FRMD4A: variants seen among roughly 807,000 people sequenced by gnomAD.
FRMD4A encodes the protein FERM domain containing 4A.
FRMD4A carries 29 observed loss-of-function variants against 129.1 expected under a neutral mutation model. The ratio of observed to expected loss-of-function variants is 0.22; its 90% CI spans 0.17 to 0.31. The LOEUF is 0.31. Among genes scored for constraint, FRMD4A ranks in the 10% least tolerant of loss-of-function variants. FRMD4A has a pLI of 1.00. For missense variants in FRMD4A, 1,272 were observed against 1,375.8 expected (o/e 0.92, Z 1.19); for synonymous variants, 634 against 571.6 (o/e 1.11, Z -1.56).
At chr10:14,180,253 C>T (rs1210699251) in intron 2 of FRMD4A, among the ~76,000 whole-genome samples, 1 of 152,108 alleles carries the variant, frequency 6.6e-6, no homozygotes, top group Non-Finnish European at 1.5e-5. Context: ...TATTATTATT[C>T]CCATTTAACA....
intron 13 of FRMD4A, among the ~76,000 whole-genome samples, chr10:13,704,371 T>A (rs555792389): frequency 6.6e-6 from 1 of 152,298 alleles, no homozygotes; most frequent in East Asian, 1.9e-4. Context: ...CAGAGCGAGT[T>A]TGCCTGGGAC....
chr10:14,005,730 C>T (rs1380144497), intron 2 of FRMD4A, among the ~76,000 whole-genome samples: 2 of 152,158 alleles, frequency 1.3e-5, no homozygotes, highest in Non-Finnish European at 2.9e-5. Context: ...ACATACAATG[C>T]CAGGTCCCTG....
intron 2 of FRMD4A, among the ~76,000 whole-genome samples, chr10:14,174,732 C>T (rs1049403184): frequency 1.3e-5 from 2 of 152,178 alleles, no homozygotes; most frequent in South Asian, 4.1e-4. Context: ...GAATTTCACA[C>T]CTGGATAGTT....
intron 6 of FRMD4A, among the ~76,000 whole-genome samples, chr10:13,777,086 T>G (rs898772684): frequency 1.3e-5 from 2 of 152,196 alleles, no homozygotes; most frequent in Non-Finnish European, 2.9e-5. Flanking sequence ...GTGCCCACAT[T>G]TATCCCTTTT....
intron 2 of FRMD4A, among the ~76,000 whole-genome samples, chr10:13,974,818 C>T (rs930123264): frequency 2.0e-4 from 31 of 152,130 alleles, no homozygotes; most frequent in Non-Finnish European, 1.2e-4. Flanking sequence ...TGAGCCACTG[C>T]ACCTGGCTCT....
intron 2 of FRMD4A, among the ~76,000 whole-genome samples, chr10:14,200,254 G>A (rs145964900): frequency 9.3e-5 from 14 of 150,452 alleles, no homozygotes; most frequent in Admixed American, 2.6e-4. Flanking sequence ...TGATGGGGAT[G>A]GACTCAGGGT....
intron 2 of FRMD4A, among the ~76,000 whole-genome samples, chr10:14,063,281 T>C (rs1259325065): frequency 6.6e-6 from 1 of 152,118 alleles, no homozygotes; most frequent in East Asian, 1.9e-4. Flanking sequence ...GACTCCCAGA[T>C]GTTGATGAGA....
chr10:13,800,384 T>C (rs2093226592), intron 4 of FRMD4A, among the ~76,000 whole-genome samples: 1 of 152,198 alleles, frequency 6.6e-6, no homozygotes, highest in African/African-American at 2.4e-5. Flanking sequence ...TCATCTTTTG[T>C]CTTACCATAT....
At chr10:14,196,321 A>G (rs1842472244) in intron 2 of FRMD4A, among the ~76,000 whole-genome samples, 1 of 152,198 alleles carries the variant, frequency 6.6e-6, no homozygotes. Flanking sequence ...CCCTCCAAGG[A>G]CTGATCCCAG....
intron 8 of FRMD4A, among the ~76,000 whole-genome samples, chr10:13,757,900 C>T (rs1264590184): frequency 6.6e-6 from 1 of 152,130 alleles, no homozygotes; most frequent in Non-Finnish European, 1.5e-5. Context: ...CACACCACCA[C>T]ACCTGGCTAA....
At chr10:13,724,527 C>T (rs886135877) in intron 12 of FRMD4A, among the ~76,000 whole-genome samples, 2 of 152,136 alleles carry the variant, frequency 1.3e-5, no homozygotes, top group African/African-American at 2.4e-5. Flanking sequence ...TTGGAGCGAG[C>T]GAGGCTATTG....
chr10:13,797,817 C>T (rs1194358194), intron 4 of FRMD4A, among the ~76,000 whole-genome samples: 1 of 152,106 alleles, frequency 6.6e-6, no homozygotes, highest in East Asian at 1.9e-4. Context: ...GCTTGTTCCT[C>T]TCAGCACATG....
At chr10:13,995,580 G>A (rs1174575047) in intron 2 of FRMD4A, among the ~76,000 whole-genome samples, 1 of 152,154 alleles carries the variant, frequency 6.6e-6, no homozygotes, top group African/African-American at 2.4e-5. Flanking sequence ...GCAAGACTCT[G>A]TCTCAGACAA....
At chr10:13,981,919 G>C (rs1268933648) in intron 2 of FRMD4A, among the ~76,000 whole-genome samples, 1 of 152,090 alleles carries the variant, frequency 6.6e-6, no homozygotes, top group African/African-American at 2.4e-5. Context: ...AGTGAGGCCA[G>C]GTTACCTGCC....
intron 2 of FRMD4A, among the ~76,000 whole-genome samples, chr10:14,265,161 G>T (rs1002124502): frequency 6.6e-6 from 1 of 152,206 alleles, no homozygotes; most frequent in Non-Finnish European, 1.5e-5. Flanking sequence ...ATAAGTAGGT[G>T]TTTCTCCTCT....
In FRMD4A at chr10:13,821,086, C is replaced by T. The variant is rs1210022124; in HGVS notation, c.112-10178G>A. Among the ~76,000 whole-genome samples the T allele has an allele frequency of 1.3e-5, 2 of 152,196 alleles. No individual in the cohort carries two copies. The highest frequency in any genetic ancestry group is 2.9e-5 in the Non-Finnish European group (2 of 68,032). ...TCCATCCCCATGGGGGCTCTGAGCCCAGCAATGGCTCAGCGGCTGCTCATT... is the reference window on the plus strand; with the variant it reads ...TCCATCCCCATGGGGGCTCTGAGCCTAGCAATGGCTCAGCGGCTGCTCATT... On this transcript the variant is annotated intron_variant, in intron 3 of 24. Transcript: ENST00000357447. The surrounding 1 kb of genome is among the most constrained non-coding windows in gnomAD (Gnocchi z 4.3).
At chr10:14,002,595 T>G (rs903327946) in intron 2 of FRMD4A, among the ~76,000 whole-genome samples, 20 of 152,226 alleles carry the variant, frequency 1.3e-4, no homozygotes, top group African/African-American at 4.6e-4. Flanking sequence ...ACTCCTGTTA[T>G]GAACCAGGAA....
chr10:14,088,436 C>G (rs1836426749), intron 2 of FRMD4A, among the ~76,000 whole-genome samples: 1 of 148,924 alleles, frequency 6.7e-6, no homozygotes, highest in Admixed American at 6.7e-5. Flanking sequence ...CAGAACAAGA[C>G]TCTTCCTAAA....
chr10:14,105,391 C>A (rs1588984973), intron 2 of FRMD4A, among the ~76,000 whole-genome samples: 1 of 151,512 alleles, frequency 6.6e-6, no homozygotes, highest in Admixed American at 6.6e-5. Flanking sequence ...CATAGCAAGA[C>A]CCCATCTCCA....
Sources: gnomAD v4.1 joint callset for allele counts (sites outside exome capture counted in the v4.1 genomes callset) on GRCh38, gnomAD v4.1.1 for gene constraint, Gnocchi (gnomAD v3.1) non-coding constraint, MANE v1.5 for transcripts, NCBI Gene and HGNC (gene_info 2026-07-23, HGNC 2026-07-21) for gene names.